Variants in SON observed in about 807,000 individuals in gnomAD.
SON encodes the protein protein SON.
In SON, 4 loss-of-function variants were observed where a neutral mutation model predicts 173.3. The ratio of observed to expected loss-of-function variants is 0.02; its 90% CI spans 0.01 to 0.05. The LOEUF (loss-of-function observed/expected upper bound fraction) is 0.05. Ranked by LOEUF, SON falls within the 10% of genes least tolerant of loss-of-function variation. The pLI, the probability that SON is intolerant of heterozygous loss-of-function variation, is 1.00. For missense variants in SON, 2,626 were observed against 3,055.3 expected (o/e 0.86, Z 3.31); for synonymous variants, 1,190 against 1,105.9 (o/e 1.08, Z -1.51).
At position 33,553,034 on chromosome 21, in the gene SON, T is replaced by C; in HGVS notation, c.3803T>C (p.Val1268Ala). 4.3e-6 allele frequency: 7 copies of C among 1,612,466 alleles called. No individual in the cohort carries two copies. Among genetic ancestry groups the C allele is most frequent in the South Asian group, 3.3e-5 (3 of 91,080 alleles). The change falls in exon 3 of 12, where the codon GTA (valine) becomes GCA (alanine). Residue 1268 changes from valine (V) to alanine (A), a missense_variant. Physicochemically the swap from Val to Ala is moderately conservative, Grantham distance 64. Around this residue, in one of 13 missense-constraint regions of SON, gnomAD observed 1,006 missense variants for 895.6 expected, o/e 1.12. Transcript: ENST00000356577. ...SITLTPVESAVVAEEHEVVPE... is the reference protein window; with the variant it reads ...SITLTPVESAAVAEEHEVVPE... ...ACGTTAACACCTGTAGAGTCTGCAG[T>C]AGTAGCAGAAGAACATGAAGTTGTT...
Position 33,551,072 on chromosome 21 carries a change from C to T in SON, c.1841C>T (p.Ala614Val), listed in dbSNP as rs756691809. ...GALEFSGQSG[A>V]AGALELLGQP... ...CTGGAGTTCTCGGGGCAGTCTGGGG[C>T]AGCTGGAGCACTGGAGCTTTTGGGG... The change falls in exon 3 of 12, where the codon GCA becomes GTA. Residue 614 changes from alanine to valine, a missense_variant. Transcript: ENST00000356577. 1.9e-6 allele frequency: 3 copies of T among 1,612,428 alleles called. No individual in the cohort carries two copies. Among genetic ancestry groups the T allele is most frequent in the Non-Finnish European group, 2.5e-6 (3 of 1,179,292 alleles).
chr21:33,555,827 T>C (rs1485729196), intron 3 of SON, among the ~76,000 whole-genome samples: 1 of 152,238 alleles, frequency 6.6e-6, no homozygotes, highest in Non-Finnish European at 1.5e-5. Context: ...AATGGCATTA[T>C]AGGACTGTTA....
chr21:33,555,517 T>A, intron 3 of SON, 126 bp downstream of exon 3: 1 of 884,724 alleles, frequency 1.1e-6, no homozygotes, highest in Non-Finnish European at 1.6e-6. Flanking sequence ...TCTTTAAGTT[T>A]TTATTATTAC....
chr21:33,552,129 A>C lies in SON; in HGVS notation c.2898A>C (p.Ser966=). The C allele has an allele frequency of 6.2e-7, 1 of 1,614,064 alleles. No individual in the cohort carries two copies. The highest frequency in any genetic ancestry group is 8.5e-7 in the Non-Finnish European group (1 of 1,179,990). The change falls in exon 3 of 12, where the codon TCA becomes TCC. Residue 966 remains serine, a synonymous_variant. Transcript: ENST00000356577. The surrounding 1 kb of genome is among the most constrained non-coding windows in gnomAD (Gnocchi z 5.6). ...YRLTPDPYRM[S]PRPYRIAPRS... is the part of the protein sequence containing the mutation. ...TAACTCCTGATCCCTATAGGATGTC[A>C]CCTAGACCCTACAGGATAGCACCCA... is the stretch of plus-strand genomic sequence containing the variant.
chr21:33,566,434 C>T (rs1050607158), intron 6 of SON, among the ~76,000 whole-genome samples: 29 of 151,928 alleles, frequency 1.9e-4, no homozygotes, highest in South Asian at 6.2e-4. Flanking sequence ...TTCCACTTGC[C>T]GTAAGGTTTT....
chr21:33,561,791 G>C (rs2145855817), intron 6 of SON, among the ~76,000 whole-genome samples: 1 of 152,298 alleles, frequency 6.6e-6, no homozygotes, highest in Non-Finnish European at 1.5e-5. Flanking sequence ...AAAGTTGATA[G>C]AGAAAGGTAC....
At position 33,559,627 on chromosome 21, in the gene SON, C is replaced by T. The variant is rs992017243; in HGVS notation, c.6509C>T (p.Thr2170Ile). The T allele has an allele frequency of 1.2e-6, 2 of 1,613,190 alleles. No individual in the cohort carries two copies. The highest frequency in any genetic ancestry group is 1.3e-5 in the African/African-American group (1 of 74,830). ...CCAACTCCACCAAAAAGCCAGGTAA[C>T]ATTAACAAAAGAATTCCCTGTATCA... ...AKPTPPKSQV[T>I]LTKEFPVSSG... The change falls in exon 6 of 12, where the codon ACA becomes ATA. Residue 2170 changes from threonine (T) to isoleucine (I), a missense_variant. Coordinates refer to ENST00000356577, the MANE Select transcript of SON (RefSeq NM_138927.4). This position sits in a 1 kb window ranked among gnomAD's most constrained non-coding sequence, Gnocchi z 4.1.
At chr21:33,543,277 C>A in intron 1 of SON, 108 bp downstream of exon 1, 1 of 1,052,782 alleles carries the variant, frequency 9.5e-7, no homozygotes, top group Non-Finnish European at 1.5e-6. Context: ...TCAGGCCCCG[C>A]TAGGGCCCCG....
intron 6 of SON, among the ~76,000 whole-genome samples, chr21:33,566,947 G>A (rs1348057156): frequency 6.6e-5 from 10 of 152,028 alleles, no homozygotes; most frequent in Non-Finnish European, 4.4e-5. Flanking sequence ...TCAGTTCTGC[G>A]ACCTGTGTGA....
chr21:33,559,838 A>G lies in SON; in HGVS notation c.6657+63A>G, dbSNP rs770296698. On this transcript the variant is annotated intron_variant, in intron 6 of 11. Coordinates refer to ENST00000356577, the MANE Select transcript of SON (RefSeq NM_138927.4). The surrounding 1 kb of genome is among the most constrained non-coding windows in gnomAD (Gnocchi z 4.1). ...TACCTGAATCTGCCATTTCATTGTT[A>G]TGTTATGTCTGATTTGGATTCTGTT... is the stretch of plus-strand genomic sequence containing the variant. 1.2e-6 allele frequency: 2 copies of G among 1,604,628 alleles called. No homozygotes were observed. Among genetic ancestry groups the G allele is most frequent in the South Asian group, 2.2e-5 (2 of 90,272 alleles).
intron 6 of SON, among the ~76,000 whole-genome samples, chr21:33,565,342 A>G (rs995457136): frequency 2.0e-5 from 3 of 152,154 alleles, no homozygotes; most frequent in Non-Finnish European, 4.4e-5. Flanking sequence ...AAAGCCTATT[A>G]TTTATGCCTA....
chr21:33,560,415 A>T, intron 6 of SON: 1 of 1,107,560 alleles, frequency 9.0e-7, no homozygotes, highest in Non-Finnish European at 1.1e-6. Flanking sequence ...CTTTGCTACT[A>T]TTAAAAGTCG....
chr21:33,567,291 A>C (rs917195944), intron 7 of SON, 24 bp downstream of exon 7: 2 of 1,358,796 alleles, frequency 1.5e-6, no homozygotes, highest in African/African-American at 2.9e-5. Context: ...TTTTAAAAAA[A>C]ATTATTATTT....
chr21:33,560,403 C>G, intron 6 of SON: 1 of 1,127,998 alleles, frequency 8.9e-7, no homozygotes, highest in Middle Eastern at 3.8e-4. Flanking sequence ...TCTCCTTCCC[C>G]TCTTTGCTAC....
rs2086408419 is a variant in SON at position 33,576,642 on chromosome 21, T to C, written c.*218T>C. ...ATCACAATGTATTTCCTCTTTAATG[T>C]TGTAAATATTTGGCAATTTAAGACA... On this transcript the variant is annotated 3_prime_UTR_variant, in exon 12 of 12. Coordinates refer to ENST00000356577, the MANE Select transcript of SON (RefSeq NM_138927.4). 1 of 652,848 alleles carries C rather than the reference T, an allele frequency of 1.5e-6. No homozygotes were observed. The allele number at this position is 652,848 out of a possible 1,614,324, so 40.4% of individuals were successfully genotyped here. A position where few individuals can be genotyped will look rare whatever the true frequency, so the allele number is the denominator to read the frequency against.
intron 8 of SON, chr21:33,572,225 C>T (rs2086301465): frequency 6.7e-6 from 1 of 148,168 alleles, no homozygotes; most frequent in Non-Finnish European, 1.5e-5. Context: ...AACATAAAAA[C>T]CTAAAATTTA....
At chr21:33,543,529 A>C in intron 1 of SON, 2 of 139,822 alleles carry the variant, frequency 1.4e-5, no homozygotes, top group Non-Finnish European at 2.4e-5. Context: ...GCCGCCGCGT[A>C]TCCCCTCCCC....
intron 4 of SON, chr21:33,557,864 G>T: frequency 2.4e-6 from 1 of 418,174 alleles, no homozygotes; most frequent in Non-Finnish European, 4.1e-6. Context: ...CCTGCGGTTC[G>T]GGTTTTGGCA....
chr21:33,560,700 G>T, intron 6 of SON: 1 of 753,656 alleles, frequency 1.3e-6, no homozygotes, highest in Non-Finnish European at 1.6e-6. Context: ...GGGGGATGTG[G>T]GAGGGTGGAG....
Sources: allele counts gnomAD v4.1 joint callset (sites outside exome capture counted in the v4.1 genomes callset), GRCh38; gene constraint gnomAD v4.1.1; regional missense constraint gnomAD v4.1.1; non-coding constraint Gnocchi (gnomAD v3.1); transcripts MANE v1.5; gene names NCBI Gene and HGNC (gene_info 2026-07-23, HGNC 2026-07-21).